Variants in ATP6V1H observed in about 807,000 individuals in gnomAD.
ATP6V1H encodes the protein V-type proton ATPase subunit H.
A neutral mutation model predicts 71.7 loss-of-function variants in ATP6V1H; 39 were observed. The ratio of observed to expected loss-of-function variants is 0.54; its 90% CI spans 0.42 to 0.71. The LOEUF is 0.71. Ranked by LOEUF, ATP6V1H falls within the 30% of genes least tolerant of loss-of-function variation. The pLI is 0.00. For missense variants in ATP6V1H, 509 were observed against 594.9 expected (o/e 0.86, Z 1.50); for synonymous variants, 192 against 199.3 (o/e 0.96, Z 0.31).
chr8:53,801,713 CT>C, intron 8 of ATP6V1H, 85 bp downstream of exon 8: 4 of 1,102,586 alleles, frequency 3.6e-6, no homozygotes, highest in Non-Finnish European at 5.2e-6. Context: ...TAAAATATTT[CT>C]TTTAGATGAT....
Position 53,817,448 on chromosome 8 carries a change from A to G in ATP6V1H, c.389T>C (p.Leu130Ser). The change falls in exon 5 of 14, where the codon TTG (leucine) becomes TCG (serine). Residue 130 changes from leucine (L) to serine (S), a missense_variant. Leu to Ser is a moderately radical substitution (Grantham distance 145). Around this residue, in one of 2 missense-constraint regions of ATP6V1H, gnomAD observed 297 missense variants for 303.3 expected, o/e 0.98. Coordinates refer to ENST00000359530, the MANE Select transcript of ATP6V1H (RefSeq NM_015941.4). ...NTAWPYFLPMLNRQDPFTVHM... is the reference protein window; with the variant it reads ...NTAWPYFLPMSNRQDPFTVHM... ...AACAGTGAAGGGATCCTGGCGATTC[A>G]ACATTGGCAGAAAGTAGGGCCACGC... The G allele has an allele frequency of 6.2e-7, 1 of 1,613,450 alleles. No homozygotes were observed. Among genetic ancestry groups the G allele is most frequent in the East Asian group, 2.2e-5 (1 of 44,870 alleles).
At chr8:53,744,438 A>G (rs1358784434) in intron 12 of ATP6V1H, among the ~76,000 whole-genome samples, 2 of 152,206 alleles carry the variant, frequency 1.3e-5, no homozygotes, top group African/African-American at 4.8e-5. Context: ...GTGGTTACAG[A>G]CAGAGCTGTG....
At chr8:53,732,693 G>C (rs920620490) in intron 13 of ATP6V1H, among the ~76,000 whole-genome samples, 2 of 150,018 alleles carry the variant, frequency 1.3e-5, no homozygotes, top group African/African-American at 4.9e-5. Flanking sequence ...GTAACAGTAA[G>C]AGCAGCTTCG....
intron 11 of ATP6V1H, among the ~76,000 whole-genome samples, chr8:53,761,067 T>A (rs1051823886): frequency 6.6e-5 from 10 of 151,112 alleles, no homozygotes; most frequent in African/African-American, 2.2e-4. Flanking sequence ...CCAGGCGCGG[T>A]GGCTCACGCC....
intron 5 of ATP6V1H, among the ~76,000 whole-genome samples, chr8:53,815,417 A>G (rs1316148500): frequency 6.6e-6 from 1 of 152,224 alleles, no homozygotes; most frequent in African/African-American, 2.4e-5. Flanking sequence ...TTAAAACTCC[A>G]AATCATTCAG....
chr8:53,837,364 A>C (rs1363015936), intron 2 of ATP6V1H, among the ~76,000 whole-genome samples: 1 of 152,226 alleles, frequency 6.6e-6, no homozygotes, highest in Non-Finnish European at 1.5e-5. Flanking sequence ...AACAGTTGAC[A>C]CATCAATAAA....
intron 9 of ATP6V1H, among the ~76,000 whole-genome samples, chr8:53,792,215 C>T (rs80235048): frequency 3.2e-3 from 489 of 152,244 alleles, no homozygotes; most frequent in African/African-American, 0.011. Flanking sequence ...AAGGAGGCTC[C>T]GCATTTGCCT....
chr8:53,724,596 T>G (rs933023503), intron 13 of ATP6V1H, among the ~76,000 whole-genome samples: 1 of 18,406 alleles, frequency 5.4e-5, no homozygotes, highest in South Asian at 2.8e-3. Context: ...CTCCCCCTCC[T>G]CCCCGCCCCA....
intron 6 of ATP6V1H, among the ~76,000 whole-genome samples, chr8:53,813,784 C>G (rs552568681): frequency 1.4e-4 from 21 of 152,290 alleles, no homozygotes; most frequent in African/African-American, 5.1e-4. Context: ...TCTTCCTCCA[C>G]GAAGACATAG....
At position 53,755,859 on chromosome 8, in the gene ATP6V1H, G is replaced by A. The variant is rs868331561; in HGVS notation, c.1277+696C>T. On this transcript the variant is annotated intron_variant, in intron 12 of 13. Transcript: ENST00000359530. ...TGCAAGCTCCGCCTCCCGGGTTCACGCCATTCTCCTGCCTCAGCCTCCCAA... is the reference window on the plus strand; with the variant it reads ...TGCAAGCTCCGCCTCCCGGGTTCACACCATTCTCCTGCCTCAGCCTCCCAA... 2.0e-3 allele frequency among the ~76,000 whole-genome samples: 224 copies of A among 109,786 alleles called. 1 individual carries two copies. Among genetic ancestry groups the A allele is most frequent in the African/African-American group, 7.5e-3 (208 of 27,864 alleles). 72.0% of individuals were successfully genotyped at this position (109,786 alleles called of 152,430 possible). A position where few individuals can be genotyped will look rare whatever the true frequency, so the allele number is the denominator to read the frequency against.
chr8:53,834,803 T>C (rs1811108906), intron 2 of ATP6V1H, among the ~76,000 whole-genome samples: 1 of 151,228 alleles, frequency 6.6e-6, no homozygotes, highest in Non-Finnish European at 1.5e-5. Context: ...ATTGGTGTTC[T>C]CAAAACCCAC....
intron 9 of ATP6V1H, among the ~76,000 whole-genome samples, chr8:53,778,810 G>C (rs1177977299): frequency 2.0e-5 from 3 of 152,150 alleles, no homozygotes; most frequent in Non-Finnish European, 4.4e-5. Context: ...AAGACCCAAG[G>C]ATGTGTTGCC....
At chr8:53,721,687 C>A (rs967559052) in intron 13 of ATP6V1H, among the ~76,000 whole-genome samples, 3 of 152,104 alleles carry the variant, frequency 2.0e-5, no homozygotes, top group Non-Finnish European at 4.4e-5. Context: ...GTTTTAACGA[C>A]TAATAGTACT....
At chr8:53,722,382 AG>A (rs1379381217) in intron 13 of ATP6V1H, among the ~76,000 whole-genome samples, 1 of 152,258 alleles carries the variant, frequency 6.6e-6, no homozygotes, top group Non-Finnish European at 1.5e-5. Flanking sequence ...TGCACAACAC[AG>A]GGCATGACCC....
In ATP6V1H at chr8:53,810,425, T is replaced by C. The variant is rs546573746; in HGVS notation, c.579+739A>G. 5.3e-5 allele frequency among the ~76,000 whole-genome samples: 8 copies of C among 152,168 alleles called. No homozygotes were observed. The East Asian group carries it at 1.5e-3, about 29-fold the overall frequency. ...TATGTAGATTATTTATGTATTTATGTAGAGCCTTTTGGCTCTACAAAAATG... is the reference window on the plus strand; with the variant it reads ...TATGTAGATTATTTATGTATTTATGCAGAGCCTTTTGGCTCTACAAAAATG... On this transcript the variant is annotated intron_variant, in intron 7 of 13. Transcript: ENST00000359530.
intron 13 of ATP6V1H, among the ~76,000 whole-genome samples, chr8:53,738,138 A>T (rs1209482550): frequency 6.6e-6 from 1 of 152,172 alleles, no homozygotes; most frequent in Non-Finnish European, 1.5e-5. Flanking sequence ...TCTACTAAAA[A>T]TATAAAAAAT....
Position 53,814,686 on chromosome 8 carries a change from C to T in ATP6V1H, c.501G>A (p.Trp167Ter). ...CCTGTGAACTCAGCTGAGTTTTTAT[C>T]CAATTGAAATAGTAATTTAAGTCAC... ...EGSDLNYYFN[W>*]IKTQLSSQKL... is the part of the protein sequence containing the mutation. The change falls in exon 6 of 14, where the codon TGG (tryptophan) becomes TGA (stop). Residue 167 changes from tryptophan (W) to a stop codon, truncating the protein, a stop_gained. Transcript: ENST00000359530. LOFTEE classifies it high-confidence loss of function. The T allele has an allele frequency of 6.2e-7, 1 of 1,610,796 alleles. No individual in the cohort carries two copies. Among genetic ancestry groups the T allele is most frequent in the Non-Finnish European group, 8.5e-7 (1 of 1,178,342 alleles).
At chr8:53,829,333 T>G in intron 4 of ATP6V1H, 111 bp downstream of exon 4, 1 of 685,218 alleles carries the variant, frequency 1.5e-6, no homozygotes, top group Admixed American at 2.8e-5. Context: ...TATATTATTA[T>G]GCTCTAGAAG....
At chr8:53,728,771 C>T (rs543078283) in intron 13 of ATP6V1H, among the ~76,000 whole-genome samples, 4 of 152,358 alleles carry the variant, frequency 2.6e-5, no homozygotes, top group Admixed American at 2.6e-4. Context: ...GCACAGGCCG[C>T]CTGCCTCCAG....
Sources: allele counts gnomAD v4.1 joint callset (sites outside exome capture counted in the v4.1 genomes callset), GRCh38; gene constraint gnomAD v4.1.1; regional missense constraint gnomAD v4.1.1; transcripts MANE v1.5; gene names NCBI Gene and HGNC (gene_info 2026-07-23, HGNC 2026-07-21).